Variants in BAHCC1 observed in about 807,000 individuals in gnomAD.
The protein encoded by BAHCC1 is BAH and coiled-coil domain-containing protein 1.
A neutral mutation model predicts 88.2 loss-of-function variants in BAHCC1; 43 were observed. The observed-to-expected ratio is 0.49, with a 90% confidence interval of 0.38 to 0.63. The LOEUF is 0.63. BAHCC1 is among the 20% of genes least tolerant of loss of function. The pLI is 0.00. For synonymous variants in BAHCC1, 1,510 were observed against 745.5 expected (o/e 2.03, Z -16.71); for missense variants, 3,023 against 1,654.8 (o/e 1.83, Z -14.34).
chr17:81,458,343 C>A lies in BAHCC1; in HGVS notation c.5220C>A (p.Pro1740=). The A allele has an allele frequency of 1.4e-6, 1 of 734,944 alleles. No individual in the cohort carries two copies. The highest frequency in any genetic ancestry group is 2.5e-6 in the Non-Finnish European group (1 of 396,976). The allele number at this position is 734,944 out of a possible 1,614,324, so 45.5% of individuals were successfully genotyped here. ...TGCGGGCAGAGCCGGGGGCCACCCCCAGCAGGGACGCCCTCTTCAACCCCT... is the reference window on the plus strand; with the variant it reads ...TGCGGGCAGAGCCGGGGGCCACCCCAAGCAGGGACGCCCTCTTCAACCCCT... ...GSLRAEPGAT[P]SRDALFNPSR... The change falls in exon 18 of 28, where the codon CCC becomes CCA. Residue 1740 remains proline (P), a synonymous_variant. Coordinates refer to ENST00000675386, the MANE Select transcript of BAHCC1 (RefSeq NM_001377448.1).
At chr17:81,403,803 C>A (rs1371666515) in intron 2 of BAHCC1, among the ~76,000 whole-genome samples, 5 of 152,178 alleles carry the variant, frequency 3.3e-5, no homozygotes, top group Non-Finnish European at 5.9e-5. Flanking sequence ...AAAGGAGCTA[C>A]GGGAATCCGG....
At chr17:81,447,904 C>A in intron 11 of BAHCC1, 56 bp downstream of exon 11, 1 of 707,940 alleles carries the variant, frequency 1.4e-6, no homozygotes, top group South Asian at 1.5e-5. Flanking sequence ...ACCCACACGC[C>A]TGCCTCAGGG....
intron 2 of BAHCC1, among the ~76,000 whole-genome samples, chr17:81,425,152 A>ATAG (rs143017917): frequency 6.2e-5 from 2 of 32,052 alleles, no homozygotes; most frequent in African/African-American, 1.6e-4. Context: ...GTTGGGGGTG[A>ATAG]TGGTGGGTGT....
chr17:81,433,505 C>T (rs1020414834), intron 3 of BAHCC1, among the ~76,000 whole-genome samples: 62 of 149,920 alleles, frequency 4.1e-4, no homozygotes, highest in African/African-American at 1.4e-3. Context: ...ATCAGTCCAC[C>T]GAGGTCCCTG....
At chr17:81,428,895 A>G (rs1417131507) in intron 3 of BAHCC1, among the ~76,000 whole-genome samples, 12 of 152,160 alleles carry the variant, frequency 7.9e-5, no homozygotes, top group African/African-American at 2.9e-4. Flanking sequence ...GTGGGAAGCC[A>G]ATGTCCTGCC....
At chr17:81,418,810 C>T (rs2864471) in intron 2 of BAHCC1, among the ~76,000 whole-genome samples, 5 of 146,332 alleles carry the variant, frequency 3.4e-5, no homozygotes, top group Non-Finnish European at 7.5e-5. Context: ...TGTGTGTGTA[C>T]GTGTGTGTGT....
chr17:81,433,113 T>C (rs1249884963), intron 3 of BAHCC1, among the ~76,000 whole-genome samples: 1 of 151,206 alleles, frequency 6.6e-6, no homozygotes, highest in African/African-American at 2.4e-5. Context: ...CTTGGGCCAG[T>C]TCCCTGCAGG....
chr17:81,418,095 T>G (rs1381040759), intron 2 of BAHCC1, among the ~76,000 whole-genome samples: 2 of 152,096 alleles, frequency 1.3e-5, no homozygotes, highest in East Asian at 3.9e-4. Context: ...TTCCAGGCTG[T>G]GGGGGCAGAA....
Position 81,461,413 on chromosome 17 carries a change from C to T in BAHCC1, c.6750C>T (p.Ala2250=). 1.4e-6 allele frequency: 1 copy of T among 725,676 alleles called. No individual in the cohort carries two copies. Among genetic ancestry groups the T allele is most frequent in the Non-Finnish European group, 2.5e-6 (1 of 392,300 alleles). The allele number at this position is 725,676 out of a possible 1,614,324, so 45.0% of individuals were successfully genotyped here. A position where few individuals can be genotyped will look rare whatever the true frequency, so the allele number is the denominator to read the frequency against. ...PLPSPSYVHP[A]LVGKDKKGRA... ...CCAGCCCCAGCTATGTGCACCCGGC[C>T]CTTGTGGGCAAGGACAAGAAGGGGC... Residue 2250 remains alanine (A), a synonymous_variant, in exon 26 of 28, where the codon GCC becomes GCT. Coordinates refer to ENST00000675386, the MANE Select transcript of BAHCC1 (RefSeq NM_001377448.1).
intron 2 of BAHCC1, among the ~76,000 whole-genome samples, chr17:81,422,532 A>G (rs2064127781): frequency 6.6e-6 from 1 of 152,190 alleles, no homozygotes; most frequent in Admixed American, 6.5e-5. Flanking sequence ...GGGCTAGGCT[A>G]GAGCCCCCAT....
At position 81,455,340 on chromosome 17, in the gene BAHCC1, C is replaced by A; in HGVS notation, c.4519C>A (p.Arg1507=). 2.8e-6 allele frequency: 2 copies of A among 717,098 alleles called. No homozygotes were observed. The highest frequency in any genetic ancestry group is 2.7e-5 in the East Asian group (1 of 37,322). The allele number at this position is 717,098 out of a possible 1,614,324, so 44.4% of individuals were successfully genotyped here. ...CAGTGGGGGCGAGCCTGCGAAGAAG[C>A]GAAGCAAGCTGGAGAGGAGCGTCTA... ...GGSGGEPAKK[R]SKLERSVYAG... The change falls in exon 15 of 28, where the codon CGA becomes AGA. Residue 1507 remains arginine (R), a synonymous_variant. Coordinates refer to ENST00000675386, the MANE Select transcript of BAHCC1 (RefSeq NM_001377448.1).
chr17:81,441,385 C>T (rs890052156), intron 4 of BAHCC1, among the ~76,000 whole-genome samples: 24 of 152,148 alleles, frequency 1.6e-4, no homozygotes, highest in Admixed American at 4.6e-4. Context: ...AAAACCAGCC[C>T]GGCGCTGTGG....
At chr17:81,398,795 C>G (rs1301174196) in intron 1 of BAHCC1, among the ~76,000 whole-genome samples, 1 of 151,778 alleles carries the variant, frequency 6.6e-6, no homozygotes, top group Non-Finnish European at 1.5e-5. Context: ...CTCTGAGGAG[C>G]CGGCCTGGGG....
chr17:81,425,657 TGTGGTTGGTGGTG>T (rs2064179858), intron 2 of BAHCC1, among the ~76,000 whole-genome samples: 1 of 145,676 alleles, frequency 6.9e-6, no homozygotes. Flanking sequence ...TTGGTGGTGA[TGTGGTTGGTGGTG>T]ATGGTGGGTG....
intron 11 of BAHCC1, 59 bp from the exon 12 acceptor site, chr17:81,451,609 G>C: frequency 1.4e-6 from 1 of 717,242 alleles, no homozygotes; most frequent in Non-Finnish European, 2.6e-6. Flanking sequence ...GACATCAAGA[G>C]CCTGTGAGGG....
chr17:81,448,534 C>T (rs576142779), intron 11 of BAHCC1, among the ~76,000 whole-genome samples: 180 of 152,326 alleles, frequency 1.2e-3, no homozygotes, highest in African/African-American at 3.7e-3. Context: ...CTGTGGGCCC[C>T]AGAGAAAGCC....
At position 81,444,481 on chromosome 17, in the gene BAHCC1, G is replaced by A. The variant is rs1002859067; in HGVS notation, c.2425G>A (p.Gly809Arg). Residue 809 changes from glycine to arginine, a missense_variant, in exon 7 of 28, where the codon GGG becomes AGG. Coordinates refer to ENST00000675386, the MANE Select transcript of BAHCC1 (RefSeq NM_001377448.1). Reference protein sequence around the residue: ...HLMMQSGQLGGDPAPHTHPHP... With the variant: ...HLMMQSGQLGRDPAPHTHPHP... ...CATGATGCAGAGCGGCCAGCTGGGC[G>A]GGGACCCAGCCCCCCACACCCACCC... 1.3e-5 allele frequency: 9 copies of A among 712,838 alleles called. No individual in the cohort carries two copies. Among genetic ancestry groups the A allele is most frequent in the East Asian group, 2.7e-5 (1 of 37,548 alleles). 44.2% of individuals were successfully genotyped at this position (712,838 alleles called of 1,614,324 possible).
chr17:81,416,406 GTGTA>G (rs199570610), intron 2 of BAHCC1, among the ~76,000 whole-genome samples: 1 of 123,072 alleles, frequency 8.1e-6, no homozygotes, highest in African/African-American at 3.2e-5. Flanking sequence ...GCGTGTGTAC[GTGTA>G]TGTGTGTCCA....
chr17:81,413,518 G>A (rs1048959590), intron 2 of BAHCC1, among the ~76,000 whole-genome samples: 21 of 152,140 alleles, frequency 1.4e-4, no homozygotes, highest in African/African-American at 4.1e-4. Context: ...CTGGATACCC[G>A]TGGACCGTCC....
Sources: allele counts gnomAD v4.1 joint callset (sites outside exome capture counted in the v4.1 genomes callset), GRCh38; gene constraint gnomAD v4.1.1; transcripts MANE v1.5; gene names NCBI Gene and HGNC (gene_info 2026-07-23, HGNC 2026-07-21).